CYP2C19: variants seen among roughly 807,000 people sequenced by gnomAD.
CYP2C19 encodes the protein cytochrome P450 2C19.
Under a neutral mutation model 40.9 loss-of-function variants are expected in CYP2C19, and 59 were observed. The observed-to-expected ratio is 1.44, with a 90% confidence interval of 1.17 to 1.79. The LOEUF (loss-of-function observed/expected upper bound fraction) is 1.79, where lower values mean the gene tolerates loss of function less well. Ranked by LOEUF, CYP2C19 falls within the 40% of genes most tolerant of loss-of-function variation. The pLI is 0.00. For missense variants in CYP2C19, 754 were observed against 596.9 expected (o/e 1.26, Z -2.74); for synonymous variants, 253 against 208.7 (o/e 1.21, Z -1.83).
intron 3 of CYP2C19, among the ~76,000 whole-genome samples, chr10:94,780,277 T>G (rs1848462918): frequency 6.6e-6 from 1 of 152,182 alleles, no homozygotes; most frequent in Non-Finnish European, 1.5e-5. Flanking sequence ...AATTTAGCAT[T>G]TGAGCAACCA....
chr10:94,815,399 GT>G lies in CYP2C19; in HGVS notation c.820-5092del, dbSNP rs1250431365. On this transcript the variant is annotated intron_variant, in intron 5 of 8. Transcript: ENST00000371321. The stretch of plus-strand genomic sequence containing the variant: ...CTAGGGACTTGTTAGAAAGTAATAT[GT>G]TTTTGTATATTGATGATCTCTTGTA... Among the ~76,000 whole-genome samples, 5 of 152,170 alleles carry G rather than the reference GT, an allele frequency of 3.3e-5. No individual in the cohort carries two copies. The East Asian group carries it at 9.6e-4, about 29-fold the overall frequency.
intron 6 of CYP2C19, among the ~76,000 whole-genome samples, chr10:94,829,307 G>A (rs1467292898): frequency 2.0e-5 from 3 of 152,158 alleles, no homozygotes; most frequent in Non-Finnish European, 4.4e-5. Context: ...ACACCAATCC[G>A]AAGTAGATTT....
At chr10:94,814,622 G>A (rs181091847) in intron 5 of CYP2C19, among the ~76,000 whole-genome samples, 1 of 151,838 alleles carries the variant, frequency 6.6e-6, no homozygotes, top group Admixed American at 6.6e-5. Flanking sequence ...GAAGTTTGCA[G>A]CAGTATCAGG....
chr10:94,831,977 C>G (rs1171940148), intron 6 of CYP2C19, among the ~76,000 whole-genome samples: 1 of 152,058 alleles, frequency 6.6e-6, no homozygotes, highest in South Asian at 2.1e-4. Flanking sequence ...AAATTTTTGC[C>G]TAGACCAATG....
At chr10:94,804,876 G>T (rs989110554) in intron 5 of CYP2C19, among the ~76,000 whole-genome samples, 1 of 152,058 alleles carries the variant, frequency 6.6e-6, no homozygotes, top group Admixed American at 6.6e-5. Context: ...TGGAAAATAT[G>T]GTATTCTTTA....
chr10:94,834,287 A>G (rs1266156522), intron 6 of CYP2C19, among the ~76,000 whole-genome samples: 1 of 152,158 alleles, frequency 6.6e-6, no homozygotes, highest in Non-Finnish European at 1.5e-5. Context: ...TTATTGGCAT[A>G]TAGTTGCTCA....
intron 6 of CYP2C19, among the ~76,000 whole-genome samples, chr10:94,838,518 A>G (rs2134283347): frequency 6.6e-6 from 1 of 152,298 alleles, no homozygotes; most frequent in Non-Finnish European, 1.5e-5. Flanking sequence ...CTGAGAGAGA[A>G]AAAGGTACAT....
At chr10:94,817,192 C>A (rs894886974) in intron 5 of CYP2C19, among the ~76,000 whole-genome samples, 54 of 146,720 alleles carry the variant, frequency 3.7e-4, no homozygotes, top group Admixed American at 6.8e-4. Context: ...TACAGTCCCA[C>A]CAACAGTGTA....
intron 5 of CYP2C19, among the ~76,000 whole-genome samples, chr10:94,810,840 G>A (rs1041279201): frequency 6.6e-6 from 1 of 151,978 alleles, no homozygotes; most frequent in African/African-American, 2.4e-5. Context: ...ATTAACTCCT[G>A]TATTCTTTGA....
At chr10:94,820,984 G>A (rs1849111420) in intron 6 of CYP2C19, among the ~76,000 whole-genome samples, 1 of 152,212 alleles carries the variant, frequency 6.6e-6, no homozygotes. Flanking sequence ...CTTGGGGGCT[G>A]AGGCATGGGA....
rs552317367 is a variant in CYP2C19, at chr10:94,790,812, A to G, written c.819+8815A>G. Among the ~76,000 whole-genome samples the G allele has an allele frequency of 3.9e-5, 6 of 152,138 alleles. No individual in the cohort carries two copies. The South Asian group carries it at 1.2e-3, about 32-fold the overall frequency. On this transcript the variant is annotated intron_variant, in intron 5 of 8. Transcript: ENST00000371321. ...ATTTTTGCATCGATGTTCATCAGGGATATTGGTCTAAAATTCTCTTTTTTT... is the reference window on the plus strand; with the variant it reads ...ATTTTTGCATCGATGTTCATCAGGGGTATTGGTCTAAAATTCTCTTTTTTT...
intron 3 of CYP2C19, among the ~76,000 whole-genome samples, chr10:94,779,122 G>T (rs958766774): frequency 1.3e-5 from 2 of 152,038 alleles, no homozygotes; most frequent in Non-Finnish European, 2.9e-5. Context: ...GAGGGGTTGG[G>T]GGGCAAGGGG....
At chr10:94,801,099 C>T (rs1158548616) in intron 5 of CYP2C19, among the ~76,000 whole-genome samples, 1 of 152,168 alleles carries the variant, frequency 6.6e-6, no homozygotes, top group Admixed American at 6.5e-5. Context: ...TGTCTTCTGC[C>T]TCAATCATGC....
At chr10:94,824,171 A>T (rs1849174304) in intron 6 of CYP2C19, among the ~76,000 whole-genome samples, 3 of 152,194 alleles carry the variant, frequency 2.0e-5, no homozygotes. Context: ...AACCATATTT[A>T]TGTAGTCAGA....
chr10:94,796,492 C>T (rs1848689695), intron 5 of CYP2C19, among the ~76,000 whole-genome samples: 1 of 152,090 alleles, frequency 6.6e-6, no homozygotes, highest in African/African-American at 2.4e-5. Flanking sequence ...TTTTTTATTT[C>T]CACAAGATCT....
intron 5 of CYP2C19, among the ~76,000 whole-genome samples, chr10:94,803,274 T>G (rs1435246365): frequency 6.6e-6 from 1 of 152,112 alleles, no homozygotes; most frequent in African/African-American, 2.4e-5. Context: ...TCCCTTCCAA[T>G]GGGGGTGTAA....
At chr10:94,839,508 C>A (rs1381487458) in intron 6 of CYP2C19, among the ~76,000 whole-genome samples, 1 of 152,166 alleles carries the variant, frequency 6.6e-6, no homozygotes, top group Admixed American at 6.5e-5. Flanking sequence ...GGGCTGGGTT[C>A]CTGAGTATTT....
chr10:94,778,971 G>T, intron 3 of CYP2C19, among the ~76,000 whole-genome samples: 1 of 152,114 alleles, frequency 6.6e-6, no homozygotes, highest in Non-Finnish European at 1.5e-5. Flanking sequence ...CAGGGACATG[G>T]ATGAAGCTGG....
chr10:94,793,762 C>T (rs533612805), intron 5 of CYP2C19, among the ~76,000 whole-genome samples: 5 of 152,238 alleles, frequency 3.3e-5, no homozygotes, highest in Admixed American at 2.0e-4. Flanking sequence ...GGGTGTCAGT[C>T]GGCCCCTACT....
Sources: allele counts gnomAD v4.1 joint callset (sites outside exome capture counted in the v4.1 genomes callset), GRCh38; gene constraint gnomAD v4.1.1; transcripts MANE v1.5; gene names NCBI Gene and HGNC (gene_info 2026-07-23, HGNC 2026-07-21).